BAZ2B: variants seen among roughly 807,000 people sequenced by gnomAD.
BAZ2B encodes bromodomain adjacent to zinc finger domain 2B, also known as bromodomain adjacent to zinc finger domain protein 2B.
A neutral mutation model predicts 246.0 loss-of-function variants in BAZ2B; 91 were observed. That is an observed-to-expected ratio of 0.37 (90% CI 0.31 to 0.44). The LOEUF (loss-of-function observed/expected upper bound fraction) is 0.44, where lower values mean the gene tolerates loss of function less well. Ranked by LOEUF, BAZ2B falls within the 20% of genes least tolerant of loss-of-function variation. The probability of loss-of-function intolerance (pLI) is 1.00; values close to 1 mark genes in which losing one functional copy is unlikely to be tolerated. For synonymous variants in BAZ2B, 855 were observed against 860.0 expected, an observed-to-expected ratio of 0.99 and a Z score of 0.10; for missense variants, 2,332 against 2,533.7, an observed-to-expected ratio of 0.92 and a Z score of 1.71.
chr2:159,458,091 T>A (rs1030573434), intron 3 of BAZ2B, among the ~76,000 whole-genome samples: 1 of 152,122 alleles, frequency 6.6e-6, no homozygotes, highest in South Asian at 2.1e-4. Flanking sequence ...TACTGCAACC[T>A]CTGCCTCCCG....
intron 27 of BAZ2B, among the ~76,000 whole-genome samples, chr2:159,368,156 G>A (rs1340036559): frequency 6.6e-6 from 1 of 152,166 alleles, no homozygotes; most frequent in Non-Finnish European, 1.5e-5. Flanking sequence ...TTTTGCTCAA[G>A]TGATCCCCCT....
intron 2 of BAZ2B, among the ~76,000 whole-genome samples, chr2:159,485,016 A>G (rs2079660568): frequency 6.6e-6 from 1 of 152,158 alleles, no homozygotes; most frequent in South Asian, 2.1e-4. Context: ...TTTCCTTTAT[A>G]ATGTAACCTC....
At chr2:159,682,976 T>G in the BAZ2B span, among the ~76,000 whole-genome samples, 1 of 151,460 alleles carries the variant, frequency 6.6e-6, no homozygotes, top group Non-Finnish European at 1.5e-5. Flanking sequence ...ACCTTTTTTT[T>G]TTCTTTTTAA....
At chr2:159,523,051 G>T (rs959442325) in intron 2 of BAZ2B, among the ~76,000 whole-genome samples, 1 of 152,106 alleles carries the variant, frequency 6.6e-6, no homozygotes, top group African/African-American at 2.4e-5. Context: ...AGGATCACTT[G>T]AGGCCAGGAG....
Position 159,438,536 on chromosome 2 carries a change from G to A in BAZ2B, c.1060C>T (p.Leu354Phe). ...QKQPQVLSQQLPFIFQSSQAK... is the reference protein window; with the variant it reads ...QKQPQVLSQQFPFIFQSSQAK... ...TGAGAGCTTTGGAAAATAAATGGAA[G>A]CTGCTGTGACAAAACCTGAGGCTGC... is the stretch of plus-strand genomic sequence containing the variant. The change falls in exon 8 of 37, where the codon CTT becomes TTT. Residue 354 changes from leucine (L) to phenylalanine (F), a missense_variant. Around this residue, in one of 9 missense-constraint regions of BAZ2B, gnomAD observed 161 missense variants for 225.8 expected, o/e 0.71. Coordinates refer to ENST00000392783, the MANE Select transcript of BAZ2B (RefSeq NM_013450.4). 1 of 1,614,140 alleles carries A rather than the reference G, an allele frequency of 6.2e-7. No individual in the cohort carries two copies. Among genetic ancestry groups the A allele is most frequent in the Middle Eastern group, 1.6e-4 (1 of 6,062 alleles).
chr2:159,351,625 TGTCA>T (rs1289000749), intron 27 of BAZ2B, among the ~76,000 whole-genome samples: 3 of 152,220 alleles, frequency 2.0e-5, no homozygotes, highest in African/African-American at 7.2e-5. Context: ...AACTGGATGC[TGTCA>T]GTATTTTTTG....
chr2:159,531,913 T>C (rs534092535), intron 2 of BAZ2B, among the ~76,000 whole-genome samples: 12 of 152,332 alleles, frequency 7.9e-5, no homozygotes, highest in Non-Finnish European at 1.6e-4. Flanking sequence ...ATATATTCAA[T>C]TATCTATACA....
At chr2:159,327,892 C>T (rs2063949539) in intron 34 of BAZ2B, among the ~76,000 whole-genome samples, 1 of 151,988 alleles carries the variant, frequency 6.6e-6, no homozygotes, top group Admixed American at 6.6e-5. Flanking sequence ...TGGTGAAACC[C>T]CGTCTCTACC....
Position 159,475,778 on chromosome 2 carries a change from C to A in BAZ2B, c.145+2797G>T, listed in dbSNP as rs145617145. 5.8e-3 allele frequency among the ~76,000 whole-genome samples: 883 copies of A among 152,258 alleles called. 6 individuals carry two copies. Among genetic ancestry groups the A allele is most frequent in the African/African-American group, 0.02 (846 of 41,538 alleles). On this transcript the variant is annotated intron_variant, in intron 3 of 36. Coordinates refer to ENST00000392783, the MANE Select transcript of BAZ2B (RefSeq NM_013450.4). ...TTGTTGATATTGATGCTATTCCTTT[C>A]TGTTTGTTAGTTTTCCTTCTAACAG...
chr2:159,627,493 G>A, the BAZ2B span, among the ~76,000 whole-genome samples: 27 of 152,184 alleles, frequency 1.8e-4, no homozygotes, highest in African/African-American at 6.3e-4. Flanking sequence ...ATTCAACCCT[G>A]GGATGCAAGG....
chr2:159,332,004 T>C (rs938963110), intron 34 of BAZ2B, among the ~76,000 whole-genome samples: 1 of 152,104 alleles, frequency 6.6e-6, no homozygotes, highest in Non-Finnish European at 1.5e-5. Flanking sequence ...GGTGGACAGA[T>C]GGATGTTTGA....
chr2:159,369,511 G>A (rs927753645), intron 27 of BAZ2B, among the ~76,000 whole-genome samples: 2 of 152,054 alleles, frequency 1.3e-5, no homozygotes, highest in African/African-American at 2.4e-5. Flanking sequence ...GAGGACAGGT[G>A]TAATAATCCA....
At chr2:159,325,447 A>G (rs192647557) in intron 35 of BAZ2B, among the ~76,000 whole-genome samples, 1 of 151,774 alleles carries the variant, frequency 6.6e-6, no homozygotes, top group Admixed American at 6.6e-5. Flanking sequence ...TAATCTTTCA[A>G]ATAAAAACTC....
intron 3 of BAZ2B, 50 bp from the exon 4 acceptor site, chr2:159,453,851 G>A: frequency 7.3e-7 from 1 of 1,376,280 alleles, no homozygotes; most frequent in Non-Finnish European, 9.6e-7. Context: ...AAACAGATGA[G>A]ACTTATCTGA....
chr2:159,610,795 T>G (rs992870601), intron 1 of BAZ2B, among the ~76,000 whole-genome samples: 1 of 152,088 alleles, frequency 6.6e-6, no homozygotes, highest in South Asian at 2.1e-4. Flanking sequence ...TTACCTTATA[T>G]AGTAAAAATT....
rs1302529759 is a variant in BAZ2B, at chr2:159,491,564, CA to C, written c.-2-12844del. ...TGAAACCCCGTCTCTACTAAAAATA[CA>C]AAAAAATTAGCCGGGCGTAGTGGCG... On this transcript the variant is annotated intron_variant, in intron 2 of 36. Coordinates refer to ENST00000392783, the MANE Select transcript of BAZ2B (RefSeq NM_013450.4). 5.4e-5 allele frequency among the ~76,000 whole-genome samples: 8 copies of C among 148,746 alleles called. No individual in the cohort carries two copies. In the South Asian group the frequency reaches 6.5e-4, roughly 12 times the overall value.
intron 1 of BAZ2B, among the ~76,000 whole-genome samples, chr2:159,557,719 T>C (rs1003821368): frequency 5.9e-5 from 9 of 152,190 alleles, no homozygotes; most frequent in African/African-American, 2.2e-4. Flanking sequence ...TGGAACCCAA[T>C]AGCTAATTAG....
the BAZ2B span, among the ~76,000 whole-genome samples, chr2:159,636,513 A>C: frequency 2.0e-5 from 3 of 152,186 alleles, no homozygotes; most frequent in African/African-American, 7.2e-5. Context: ...AGACAGAGGG[A>C]AATCACTCAT....
At chr2:159,503,271 C>T (rs1194258717) in intron 2 of BAZ2B, among the ~76,000 whole-genome samples, 1 of 152,168 alleles carries the variant, frequency 6.6e-6, no homozygotes, top group Non-Finnish European at 1.5e-5. Flanking sequence ...CTTTTCCACT[C>T]TCTACTCATA....
Sources: gnomAD v4.1 joint callset for allele counts (sites outside exome capture counted in the v4.1 genomes callset) on GRCh38, gnomAD v4.1.1 for gene constraint, gnomAD v4.1.1 regional missense constraint, MANE v1.5 for transcripts, NCBI Gene and HGNC (gene_info 2026-07-23, HGNC 2026-07-21) for gene names.